The following RP1 variants were observed in gnomAD, a reference collection of about 807,000 sequenced individuals.
RP1 encodes the protein RP1 axonemal microtubule associated.
A neutral mutation model predicts 14.8 loss-of-function variants in RP1; 16 were observed. The ratio of observed to expected loss-of-function variants is 1.08; its 90% CI spans 0.73 to 1.65. RP1 has a LOEUF of 1.65. RP1 is among the 40% of genes most tolerant of loss of function. The pLI, the probability that RP1 is intolerant of heterozygous loss-of-function variation, is 0.00. For synonymous variants in RP1, 876 were observed against 883.6 expected, an observed-to-expected ratio of 0.99 and a Z score of 0.15; for missense variants, 2,631 against 2,535.0, an observed-to-expected ratio of 1.04 and a Z score of -0.81.
At chr8:54,839,288 A>G (rs1423302673) in intron 25 of RP1, among the ~76,000 whole-genome samples, 1 of 152,176 alleles carries the variant, frequency 6.6e-6, no homozygotes. Flanking sequence ...TTTCCTGCCT[A>G]GAGCCCCAGT....
intron 24 of RP1, among the ~76,000 whole-genome samples, chr8:54,834,650 A>G (rs1811614987): frequency 6.6e-6 from 1 of 151,418 alleles, no homozygotes; most frequent in Non-Finnish European, 1.5e-5. Flanking sequence ...GTTGTATAAT[A>G]TAACAAATTG....
intron 15 of RP1, among the ~76,000 whole-genome samples, chr8:54,712,416 GCTCTTC>G: frequency 6.6e-6 from 1 of 152,128 alleles, no homozygotes; most frequent in Non-Finnish European, 1.5e-5. Flanking sequence ...TGGTGTCCTA[GCTCTTC>G]ACTGGGATTG....
chr8:54,751,258 A>G (rs1272624681), intron 19 of RP1, among the ~76,000 whole-genome samples: 1 of 152,206 alleles, frequency 6.6e-6, no homozygotes, highest in Non-Finnish European at 1.5e-5. Flanking sequence ...ATTTTATTAC[A>G]TAAGGCACTT....
At chr8:54,802,300 A>C (rs1810732278) in intron 24 of RP1, among the ~76,000 whole-genome samples, 1 of 152,230 alleles carries the variant, frequency 6.6e-6, no homozygotes, top group Non-Finnish European at 1.5e-5. Context: ...ACAACAACTG[A>C]GGCATTTTCA....
At chr8:54,847,845 T>C (rs1253097430) in intron 25 of RP1, among the ~76,000 whole-genome samples, 2 of 152,230 alleles carry the variant, frequency 1.3e-5, no homozygotes, top group African/African-American at 4.8e-5. Flanking sequence ...TAGCCCGCAC[T>C]GTTCAGGGCT....
Position 54,696,440 on chromosome 8 carries a change from AG to A in RP1, c.1718-3026del, listed in dbSNP as rs892706891. 1.0e-4 allele frequency: 80 copies of A among 783,120 alleles called. No homozygotes were observed. In the Admixed American group the frequency reaches 1.7e-3, roughly 17 times the overall value. The allele number at this position is 783,120 out of a possible 1,614,324, so 48.5% of individuals were successfully genotyped here. On this transcript the variant is annotated intron_variant, in intron 12 of 22. Transcript: ENST00000636932. ...AAGAAAAAATCCCTTTGTTCCAGAA[AG>A]TCTCCTGAAAAAGAGGAAAGCTTAT... is the stretch of plus-strand genomic sequence containing the variant.
intron 12 of RP1, among the ~76,000 whole-genome samples, chr8:54,689,938 T>C (rs894004383): frequency 6.6e-6 from 1 of 152,072 alleles, no homozygotes; most frequent in African/African-American, 2.4e-5. Flanking sequence ...AATTATTTCA[T>C]AGGGGATATA....
chr8:54,792,246 G>A (rs1396774068), intron 24 of RP1, among the ~76,000 whole-genome samples: 1 of 151,814 alleles, frequency 6.6e-6, no homozygotes, highest in Non-Finnish European at 1.5e-5. Context: ...GGAGAAATAA[G>A]CAACAATATT....
intron 12 of RP1, among the ~76,000 whole-genome samples, chr8:54,689,160 T>G (rs1807645564): frequency 6.6e-6 from 1 of 152,164 alleles, no homozygotes; most frequent in Non-Finnish European, 1.5e-5. Context: ...TTACATTGAT[T>G]TTGTATCCTG....
At chr8:54,760,745 C>T (rs1426076834) in intron 22 of RP1, among the ~76,000 whole-genome samples, 1 of 152,156 alleles carries the variant, frequency 6.6e-6, no homozygotes, top group African/African-American at 2.4e-5. Context: ...GCTTTTGTCC[C>T]TCGGAGTGCT....
chr8:54,573,049 T>G lies in RP1; in HGVS notation c.-13+13729T>G, dbSNP rs78732491. Among the ~76,000 whole-genome samples, 12 of 152,330 alleles carry G rather than the reference T, an allele frequency of 7.9e-5. No individual in the cohort carries two copies. The East Asian group carries it at 1.5e-3, about 20-fold the overall frequency. On this transcript the variant is annotated intron_variant, in intron 1 of 22. Transcript: ENST00000636932. ...GTCTTGACTATAAATAGAGATTTTCTAATGTCCTCTCCTGCTATTGTATTG... is the reference window on the plus strand; with the variant it reads ...GTCTTGACTATAAATAGAGATTTTCGAATGTCCTCTCCTGCTATTGTATTG...
chr8:54,616,189 C>T lies in RP1; in HGVS notation c.-26C>T, dbSNP rs924720866. The T allele has an allele frequency of 3.9e-5, 6 of 152,152 alleles. No homozygotes were observed. The highest frequency in any genetic ancestry group is 9.7e-5 in the African/African-American group (4 of 41,428). The allele number at this position is 152,152 out of a possible 1,614,324, so 9.4% of individuals were successfully genotyped here. ...ATCTTTTTCTTTTCTTAATAAGGGA[C>T]GTTTCAAGTTGTGGTAAGTACAAAA... is the stretch of plus-strand genomic sequence containing the variant. On this transcript the variant is annotated 5_prime_UTR_variant, in exon 1 of 4. It adds an upstream start codon to the 5' untranslated region. Coordinates refer to ENST00000220676, the MANE Select transcript of RP1 (RefSeq NM_006269.2).
At chr8:54,694,662 G>C (rs1204402547) in intron 12 of RP1, among the ~76,000 whole-genome samples, 1 of 152,070 alleles carries the variant, frequency 6.6e-6, no homozygotes, top group Non-Finnish European at 1.5e-5. Context: ...GATCGGTGGT[G>C]ATATCCCCTT....
At chr8:54,688,396 G>A (rs1302544889) in intron 12 of RP1, among the ~76,000 whole-genome samples, 1 of 152,178 alleles carries the variant, frequency 6.6e-6, no homozygotes, top group Non-Finnish European at 1.5e-5. Context: ...CCATGCCTAT[G>A]TCCTGAATAG....
rs555831153 is a variant in RP1 at position 54,684,832 on chromosome 8, C to T, written c.1717+4899C>T. 4.6e-5 allele frequency among the ~76,000 whole-genome samples: 7 copies of T among 152,242 alleles called. No homozygotes were observed. In the South Asian group the frequency reaches 6.2e-4, roughly 14 times the overall value. On this transcript the variant is annotated intron_variant, in intron 12 of 22. Coordinates refer to the RP1 transcript ENST00000636932. ...CCATAAAAAGGAATGAGATCATGCC[C>T]TTTGCAGGGACATGGATGAAGCTGG...
At chr8:54,641,039 G>T (rs1427408590) in intron 3 of RP1, among the ~76,000 whole-genome samples, 2 of 150,454 alleles carry the variant, frequency 1.3e-5, no homozygotes, top group Non-Finnish European at 3.0e-5. Context: ...CCTCCTCCCG[G>T]GTTCACACCA....
rs561690899 is a variant in RP1, at chr8:54,705,584, C to A, written c.1999-859C>A. On this transcript the variant is annotated intron_variant, in intron 14 of 22. Coordinates refer to the RP1 transcript ENST00000636932. The stretch of plus-strand genomic sequence containing the variant: ...ATTATTACTATCTGGCTGACCCAAG[C>A]TCTGCAGGCAAACAACAACACTCCT... Among the ~76,000 whole-genome samples, 7 of 152,314 alleles carry A rather than the reference C, an allele frequency of 4.6e-5. No homozygotes were observed. The South Asian group carries it at 1.4e-3, about 32-fold the overall frequency.
chr8:54,736,703 G>C (rs1007065774), intron 18 of RP1, among the ~76,000 whole-genome samples: 4 of 151,942 alleles, frequency 2.6e-5, no homozygotes, highest in African/African-American at 9.7e-5. Flanking sequence ...ACACATGGAA[G>C]CCCCCAGGAG....
intron 27 of RP1, chr8:54,857,225 C>A (rs1049124203): frequency 1.7e-5 from 4 of 241,704 alleles, no homozygotes; most frequent in African/African-American, 4.6e-5. Flanking sequence ...AGAAAATAAT[C>A]TTATTTTATA....
Sources: gnomAD v4.1 joint callset for allele counts (sites outside exome capture counted in the v4.1 genomes callset) on GRCh38, gnomAD v4.1.1 for gene constraint, MANE v1.5 for transcripts, NCBI Gene and HGNC (gene_info 2026-07-23, HGNC 2026-07-21) for gene names.